Variants in RBMS3 observed in about 807,000 individuals in gnomAD.
The protein encoded by RBMS3 is RNA binding motif single stranded interacting protein 3.
A neutral mutation model predicts 66.8 loss-of-function variants in RBMS3; 27 were observed. The observed-to-expected ratio is 0.40, with a 90% CI of 0.30 to 0.56. RBMS3 has a LOEUF of 0.56. RBMS3 is among the 20% of genes least tolerant of loss of function. The pLI is 0.40. For missense variants in RBMS3, 513 were observed against 549.5 expected (o/e 0.93, Z 0.66); for synonymous variants, 188 against 183.0 (o/e 1.03, Z -0.22).
At chr3:29,488,146 C>A (rs2043390753) in intron 2 of RBMS3, among the ~76,000 whole-genome samples, 1 of 152,206 alleles carries the variant, frequency 6.6e-6, no homozygotes, top group Admixed American at 6.5e-5. Context: ...TTCCATGAAT[C>A]CACAGAGTGC....
chr3:29,971,266 C>T (rs936736680), intron 12 of RBMS3, among the ~76,000 whole-genome samples: 1 of 152,142 alleles, frequency 6.6e-6, no homozygotes, highest in African/African-American at 2.4e-5. Context: ...CTTCAGAATG[C>T]CTTTTAACAG....
Position 30,006,982 on chromosome 3 carries a change from G to GTGTT in RBMS3, c.*3123_*3126dup, listed in dbSNP as rs1389212522. On this transcript the variant is annotated 3_prime_UTR_variant, in exon 15 of 15. Coordinates refer to ENST00000383767, the MANE Select transcript of RBMS3 (RefSeq NM_001003793.3). ...CATTTGATGTGTTCATGTGTGTTTT[G>GTGTT]TGTTTGGATAGTTTATATCATGCCA... The GTGTT allele has an allele frequency of 1.3e-5, 2 of 151,854 alleles. No individual in the cohort carries two copies. The highest frequency in any genetic ancestry group is 4.8e-5 in the African/African-American group (2 of 41,348). 9.4% of individuals were successfully genotyped at this position (151,854 alleles called of 1,614,324 possible).
chr3:29,603,855 T>C (rs370085984), intron 4 of RBMS3, among the ~76,000 whole-genome samples: 2 of 152,090 alleles, frequency 1.3e-5, no homozygotes, highest in East Asian at 3.9e-4. Flanking sequence ...ACCACTGCTT[T>C]AGAGCCCTGG....
intron 4 of RBMS3, among the ~76,000 whole-genome samples, chr3:29,657,944 T>C (rs2050383093): frequency 6.6e-6 from 1 of 152,084 alleles, no homozygotes; most frequent in Non-Finnish European, 1.5e-5. Context: ...TTCATGAAAA[T>C]GGAAAGCTTC....
At chr3:29,933,121 A>G (rs1490501881) in intron 10 of RBMS3, among the ~76,000 whole-genome samples, 3 of 152,180 alleles carry the variant, frequency 2.0e-5, no homozygotes, top group Non-Finnish European at 2.9e-5. Flanking sequence ...TCTGTCAGAC[A>G]CCACATCCTA....
intron 4 of RBMS3, among the ~76,000 whole-genome samples, chr3:29,638,057 A>G (rs77305832): frequency 0.014 from 2,191 of 152,020 alleles, 38 homozygotes; most frequent in African/African-American, 0.042. Context: ...GTTTATTTCA[A>G]TAGGATACCA....
At chr3:29,321,556 T>C (rs921615662) in intron 1 of RBMS3, among the ~76,000 whole-genome samples, 2 of 152,170 alleles carry the variant, frequency 1.3e-5, no homozygotes, top group African/African-American at 4.8e-5. Flanking sequence ...TTTGCTTACA[T>C]GAAGACTCAA....
At chr3:29,698,813 G>A (rs958495716) in intron 4 of RBMS3, among the ~76,000 whole-genome samples, 7 of 152,000 alleles carry the variant, frequency 4.6e-5, no homozygotes, top group Admixed American at 1.3e-4. Flanking sequence ...CACATTTTTT[G>A]TTGTACGAAA....
At chr3:29,344,517 T>C (rs1257148209) in intron 1 of RBMS3, among the ~76,000 whole-genome samples, 3 of 152,220 alleles carry the variant, frequency 2.0e-5, no homozygotes, top group Non-Finnish European at 4.4e-5. Flanking sequence ...TTCCCAATCA[T>C]GGCTACTATT....
chr3:29,868,211 A>G (rs1032077167), intron 6 of RBMS3, among the ~76,000 whole-genome samples: 8 of 151,688 alleles, frequency 5.3e-5, no homozygotes, highest in African/African-American at 2.0e-4. Context: ...ACATCAAGCA[A>G]TCTGGGACTC....
At chr3:29,877,096 G>A (rs142382666) in intron 7 of RBMS3, among the ~76,000 whole-genome samples, 1 of 152,318 alleles carries the variant, frequency 6.6e-6, no homozygotes, top group African/African-American at 2.4e-5. Context: ...TAAGAAGGCA[G>A]TAATCATGCA....
chr3:29,375,603 T>A (rs7372660), intron 1 of RBMS3, among the ~76,000 whole-genome samples: 93,683 of 151,998 alleles, frequency 0.62, 29,868 homozygotes, highest in East Asian at 0.84. Context: ...ATATGAAAAA[T>A]GCTCAGTATT....
intron 3 of RBMS3, among the ~76,000 whole-genome samples, chr3:29,503,178 T>C (rs2044042534): frequency 6.6e-6 from 1 of 152,138 alleles, no homozygotes; most frequent in African/African-American, 2.4e-5. Context: ...TTTTATGTTT[T>C]GAATTCATCC....
chr3:29,891,094 A>G (rs2059991649), intron 8 of RBMS3, among the ~76,000 whole-genome samples: 1 of 151,586 alleles, frequency 6.6e-6, no homozygotes, highest in Non-Finnish European at 1.5e-5. Context: ...ATCTTAAGCA[A>G]GTATGTGTCT....
At chr3:29,710,860 A>C (rs1324163931) in intron 4 of RBMS3, among the ~76,000 whole-genome samples, 1 of 152,192 alleles carries the variant, frequency 6.6e-6, no homozygotes, top group African/African-American at 2.4e-5. Flanking sequence ...GAAATGCTTT[A>C]ATTTCTGAAA....
rs2044143170 is a variant in RBMS3, at chr3:29,505,380, T to C, written c.307+16881T>C. The stretch of plus-strand genomic sequence containing the variant: ...TCAATTGACTGTAATCACATGGATT[T>C]GTTTCTGGGATCTCTATTCTGTTCC... On this transcript the variant is annotated intron_variant, in intron 3 of 14. Transcript: ENST00000383767. Among the ~76,000 whole-genome samples, 3 of 152,040 alleles carry C rather than the reference T, an allele frequency of 2.0e-5. No homozygotes were observed. The South Asian group carries it at 6.2e-4, about 31-fold the overall frequency.
At chr3:29,753,123 T>A (rs2055255313) in intron 5 of RBMS3, among the ~76,000 whole-genome samples, 1 of 152,226 alleles carries the variant, frequency 6.6e-6, no homozygotes, top group Admixed American at 6.5e-5. Context: ...TATTTTCAAC[T>A]TAGCTTATGT....
chr3:29,875,332 G>T (rs560623784), intron 7 of RBMS3, among the ~76,000 whole-genome samples: 3 of 152,170 alleles, frequency 2.0e-5, no homozygotes, highest in South Asian at 2.1e-4. Flanking sequence ...CTATCTAGCT[G>T]CCCAGGCTCA....
At chr3:29,803,019 T>G (rs1431849739) in intron 6 of RBMS3, among the ~76,000 whole-genome samples, 1 of 152,150 alleles carries the variant, frequency 6.6e-6, no homozygotes, top group Non-Finnish European at 1.5e-5. Context: ...AACGGCTTTA[T>G]CTGAAAGCCC....
Sources: gnomAD v4.1 joint callset for allele counts (sites outside exome capture counted in the v4.1 genomes callset) on GRCh38, gnomAD v4.1.1 for gene constraint, MANE v1.5 for transcripts, NCBI Gene and HGNC (gene_info 2026-07-23, HGNC 2026-07-21) for gene names.